The following NBEA variants were observed in gnomAD, a reference collection of about 807,000 sequenced individuals.
The protein encoded by NBEA is lysosomal-trafficking regulator 2.
A neutral mutation model predicts 343.4 loss-of-function variants in NBEA; 44 were observed. The observed-to-expected ratio is 0.13, with a 90% CI of 0.10 to 0.16. The LOEUF (loss-of-function observed/expected upper bound fraction) is 0.16, where lower values mean the gene tolerates loss of function less well. NBEA is among the 10% of genes least tolerant of loss of function. The pLI is 1.00. For synonymous variants in NBEA, 1,175 were observed against 1,238.7 expected (o/e 0.95, Z 1.08); for missense variants, 2,555 against 3,631.3 (o/e 0.70, Z 7.62).
rs767847780 is a variant in NBEA, at chr13:35,649,822, A to C, written c.7938A>C (p.Ala2646=). The C allele has an allele frequency of 5.6e-6, 9 of 1,614,030 alleles. No homozygotes were observed. Among genetic ancestry groups the C allele is most frequent in the Non-Finnish European group, 7.6e-6 (9 of 1,179,896 alleles). Residue 2646 remains alanine (A), a synonymous_variant, in exon 52 of 59, where the codon GCA becomes GCC. Coordinates refer to ENST00000379939, the MANE Select transcript of NBEA (RefSeq NM_001385012.1). Reference sequence around the variant, plus strand: ...CAGTGACTTGCAGCCGACTCTTTGCAGTGAATAGATGGCACAACACAGTAG... The same window carrying C: ...CAGTGACTTGCAGCCGACTCTTTGCCGTGAATAGATGGCACAACACAGTAG... ...VVTVTCSRLF[A]VNRWHNTVGL...
chr13:35,375,762 GAAC>G (rs899258601), intron 38 of NBEA, among the ~76,000 whole-genome samples: 1 of 152,078 alleles, frequency 6.6e-6, no homozygotes, highest in Non-Finnish European at 1.5e-5. Context: ...CTTTGCAGCA[GAAC>G]AACAAGTGAT....
intron 44 of NBEA, among the ~76,000 whole-genome samples, chr13:35,561,665 AT>A (rs1192638331): frequency 1.3e-5 from 2 of 152,154 alleles, no homozygotes; most frequent in Admixed American, 6.5e-5. Context: ...TAAAAATAAG[AT>A]TCTGTATAAA....
chr13:35,665,990 T>C (rs1413584474), intron 56 of NBEA, among the ~76,000 whole-genome samples: 1 of 152,156 alleles, frequency 6.6e-6, no homozygotes, highest in African/African-American at 2.4e-5. Flanking sequence ...GTCCTAGTTC[T>C]GGCTCAAATA....
chr13:35,543,447 C>T (rs950803240), intron 41 of NBEA, among the ~76,000 whole-genome samples: 1 of 152,162 alleles, frequency 6.6e-6, no homozygotes, highest in Non-Finnish European at 1.5e-5. Context: ...TTTTAATTAT[C>T]TCTCAATTGA....
rs112340415 is a variant in NBEA at position 35,478,701 on chromosome 13, C to A, written c.6585+6165C>A. 5.4e-3 allele frequency among the ~76,000 whole-genome samples: 822 copies of A among 152,346 alleles called. 3 individuals are homozygous for A. Among genetic ancestry groups the A allele is most frequent in the Non-Finnish European group, 8.8e-3 (596 of 68,030 alleles). On this transcript the variant is annotated intron_variant, in intron 41 of 58. Coordinates refer to ENST00000379939, the MANE Select transcript of NBEA (RefSeq NM_001385012.1). ...CCCCTCAGCCTGCACCGCCCACGTC[C>A]GGCCCAGGTGTGGTCGCAGCCAAGC...
intron 45 of NBEA, among the ~76,000 whole-genome samples, chr13:35,569,749 A>C (rs138938462): frequency 6.6e-6 from 1 of 152,324 alleles, no homozygotes; most frequent in African/African-American, 2.4e-5. Flanking sequence ...TTTACAAGAT[A>C]GGTATAGTAG....
intron 36 of NBEA, among the ~76,000 whole-genome samples, chr13:35,325,651 T>C (rs967414856): frequency 6.6e-6 from 1 of 152,040 alleles, no homozygotes; most frequent in Non-Finnish European, 1.5e-5. Context: ...AAGGATTATA[T>C]CATGAAAAAG....
intron 38 of NBEA, among the ~76,000 whole-genome samples, chr13:35,415,267 G>A (rs1415289233): frequency 1.3e-5 from 2 of 152,128 alleles, no homozygotes; most frequent in Admixed American, 1.3e-4. Context: ...TTTGGCTTTT[G>A]TTGCCATTGC....
At chr13:35,441,625 A>T (rs947277857) in intron 39 of NBEA, among the ~76,000 whole-genome samples, 1 of 152,098 alleles carries the variant, frequency 6.6e-6, no homozygotes, top group East Asian at 1.9e-4. Flanking sequence ...ATCAGTGATC[A>T]ATTAGGGAAT....
chr13:35,050,948 G>A (rs1327643034), intron 6 of NBEA, among the ~76,000 whole-genome samples: 1 of 151,964 alleles, frequency 6.6e-6, no homozygotes, highest in Non-Finnish European at 1.5e-5. Flanking sequence ...AATAATAGCA[G>A]AGACAAGGCC....
At chr13:35,496,095 A>G (rs2076665380) in intron 41 of NBEA, among the ~76,000 whole-genome samples, 1 of 152,000 alleles carries the variant, frequency 6.6e-6, no homozygotes, top group Non-Finnish European at 1.5e-5. Context: ...TTACAGCACA[A>G]AATAAGGAAG....
intron 27 of NBEA, among the ~76,000 whole-genome samples, chr13:35,174,098 T>C (rs531527084): frequency 1.3e-5 from 2 of 152,264 alleles, no homozygotes; most frequent in African/African-American, 4.8e-5. Context: ...GCCTGGTCCT[T>C]GCTTACTTCT....
At chr13:35,274,853 A>G (rs1292354309) in intron 34 of NBEA, among the ~76,000 whole-genome samples, 1 of 152,344 alleles carries the variant, frequency 6.6e-6, no homozygotes, top group Non-Finnish European at 1.5e-5. Flanking sequence ...ATGAAATAAA[A>G]GAGGACACAA....
intron 48 of NBEA, among the ~76,000 whole-genome samples, chr13:35,617,083 T>C (rs1172135277): frequency 1.3e-5 from 2 of 152,230 alleles, no homozygotes; most frequent in Non-Finnish European, 2.9e-5. Flanking sequence ...AGGATACATA[T>C]TGTGCATCTC....
chr13:35,591,297 C>T (rs2081527339), intron 46 of NBEA, among the ~76,000 whole-genome samples: 2 of 151,936 alleles, frequency 1.3e-5, no homozygotes, highest in African/African-American at 4.8e-5. Flanking sequence ...GCTGCATCTA[C>T]AATTTTTATA....
intron 53 of NBEA, among the ~76,000 whole-genome samples, chr13:35,652,593 A>G (rs562452128): frequency 1.1e-3 from 160 of 142,604 alleles, no homozygotes; most frequent in Non-Finnish European, 1.8e-3. Flanking sequence ...GTGAGCCAAG[A>G]TGGCACCACT....
chr13:35,248,570 AT>A (rs781671314), intron 34 of NBEA, among the ~76,000 whole-genome samples: 1 of 151,586 alleles, frequency 6.6e-6, no homozygotes, highest in Non-Finnish European at 1.5e-5. Context: ...ACGGAATAGA[AT>A]CTCTAGCCAA....
At chr13:34,954,572 G>A (rs1187805813) in intron 1 of NBEA, among the ~76,000 whole-genome samples, 1 of 151,986 alleles carries the variant, frequency 6.6e-6, no homozygotes, top group Non-Finnish European at 1.5e-5. Context: ...TTTGAGTGGG[G>A]GATGATTGGT....
intron 38 of NBEA, among the ~76,000 whole-genome samples, chr13:35,402,255 A>C (rs977512658): frequency 6.6e-6 from 1 of 152,042 alleles, no homozygotes; most frequent in African/African-American, 2.4e-5. Flanking sequence ...AAAATATTTT[A>C]TACCTGAATA....
Sources: gnomAD v4.1 joint callset for allele counts (sites outside exome capture counted in the v4.1 genomes callset) on GRCh38, gnomAD v4.1.1 for gene constraint, MANE v1.5 for transcripts, NCBI Gene and HGNC (gene_info 2026-07-23, HGNC 2026-07-21) for gene names.